The following DUSP1 variants were observed in gnomAD, a reference collection of about 807,000 sequenced individuals.
DUSP1 encodes dual specificity protein phosphatase 1.
Under a neutral mutation model 27.4 loss-of-function variants are expected in DUSP1, and 10 were observed. That is an observed-to-expected ratio of 0.37 (90% CI 0.23 to 0.62). The LOEUF (loss-of-function observed/expected upper bound fraction) is 0.62, where lower values mean the gene tolerates loss of function less well. DUSP1 is among the 20% of genes least tolerant of loss of function. DUSP1 has a pLI of 0.68. For synonymous variants in DUSP1, 262 were observed against 223.6 expected (o/e 1.17, Z -1.53); for missense variants, 425 against 508.1 (o/e 0.84, Z 1.57).
chr5:172,769,774 C>T lies in DUSP1; in HGVS notation c.534G>A (p.Leu178=), dbSNP rs1250197376. The change falls in exon 3 of 4, where the codon CTG becomes CTA. Residue 178 remains leucine, a synonymous_variant. Coordinates refer to ENST00000239223, the MANE Select transcript of DUSP1 (RefSeq NM_004417.4). ...LYDQGGPVEI[L]PFLYLGSAYH... is the part of the protein sequence containing the mutation. ...ACGCACTGCCCAGGTACAGAAAGGG[C>T]AGGATTTCCACCGGGCCACCCTGAA... is the stretch of plus-strand genomic sequence containing the variant. 6.2e-7 allele frequency: 1 copy of T among 1,614,064 alleles called. No individual in the cohort carries two copies. Among genetic ancestry groups the T allele is most frequent in the Non-Finnish European group, 8.5e-7 (1 of 1,180,016 alleles).
At chr5:172,769,825 A>G (rs1229939272) in intron 2 of DUSP1, 31 bp from the exon 3 acceptor site, 8 of 1,602,848 alleles carry the variant, frequency 5.0e-6, no homozygotes, top group Non-Finnish European at 6.8e-6. Flanking sequence ...ACATTCATCA[A>G]GCTTGCTCAA....
intron 1 of DUSP1, 61 bp downstream of exon 1, chr5:172,770,525 A>T: frequency 6.8e-7 from 1 of 1,460,326 alleles, no homozygotes; most frequent in South Asian, 1.5e-5. Flanking sequence ...GCCGAGAGCC[A>T]GGGGTACCGG....
chr5:172,770,764 C>T lies in DUSP1; in HGVS notation c.189G>A (p.Glu63=), dbSNP rs1759878880. 1.3e-6 allele frequency: 2 copies of T among 1,493,494 alleles called. No individual in the cohort carries two copies. Among genetic ancestry groups the T allele is most frequent in the South Asian group, 1.3e-5 (1 of 79,696 alleles). 92.5% of individuals were successfully genotyped at this position (1,493,494 alleles called of 1,614,324 possible). The change falls in exon 1 of 4, where the codon GAG becomes GAA. Residue 63 remains glutamate (E), a synonymous_variant. Transcript: ENST00000239223. ...GGAGCTCGGCGTTGGGCACGATGTG[C>T]TCCAGGCCCATGGCGCCCTTGGCCC... ...RRRAKGAMGL[E]HIVPNAELRG... is the part of the protein sequence containing the mutation.
In DUSP1 at chr5:172,768,572, A is replaced by G; in HGVS notation, c.*190T>C. On this transcript the variant is annotated 3_prime_UTR_variant, in exon 4 of 4. Transcript: ENST00000239223. ...TGTACCCACTATATATTGGTCCCGA[A>G]TGTGCTGAGTTCAGCAAATGTCTTG... The G allele has an allele frequency of 1.5e-6, 1 of 682,818 alleles. No individual in the cohort carries two copies. Among genetic ancestry groups the G allele is most frequent in the Non-Finnish European group, 2.1e-6 (1 of 473,212 alleles). 42.3% of individuals were successfully genotyped at this position (682,818 alleles called of 1,614,324 possible). A position where few individuals can be genotyped will look rare whatever the true frequency, so the allele number is the denominator to read the frequency against.
chr5:172,770,379 C>A (rs764780078), intron 1 of DUSP1, 73 bp from the exon 2 acceptor site: 137 of 1,590,700 alleles, frequency 8.6e-5, no homozygotes, highest in Non-Finnish European at 7.7e-6. Context: ...ACTCCCCCAC[C>A]CACCAAGGGC....
chr5:172,768,719 G>A lies in DUSP1; in HGVS notation c.*43C>T. Reference sequence around the variant, plus strand: ...TTGCATTTCTCCTCTCAAGGAGCATGGAGTCCCAATGGGATGTGAAGAGCC... The same window carrying A: ...TTGCATTTCTCCTCTCAAGGAGCATAGAGTCCCAATGGGATGTGAAGAGCC... On this transcript the variant is annotated 3_prime_UTR_variant, in exon 4 of 4. Coordinates refer to ENST00000239223, the MANE Select transcript of DUSP1 (RefSeq NM_004417.4). The A allele has an allele frequency of 1.4e-6, 2 of 1,478,186 alleles. No homozygotes were observed. The highest frequency in any genetic ancestry group is 4.8e-5 in the East Asian group (2 of 41,560). The allele number at this position is 1,478,186 out of a possible 1,614,324, so 91.6% of individuals were successfully genotyped here.
intron 2 of DUSP1, 133 bp from the exon 3 acceptor site, chr5:172,769,927 A>G: frequency 8.1e-7 from 1 of 1,234,822 alleles, no homozygotes. Flanking sequence ...CTGGAGGATA[A>G]ATAAATAGGG....
At position 172,769,607 on chromosome 5, in the gene DUSP1, C is replaced by G. The variant is rs762910427; in HGVS notation, c.701G>C (p.Ser234Thr). 6.2e-7 allele frequency: 1 copy of G among 1,614,234 alleles called. No individual in the cohort carries two copies. The highest frequency in any genetic ancestry group is 1.1e-5 in the South Asian group (1 of 91,086). ...PVEDNHKADI[S>T]SWFNEAIDFI... ...GTCAATGGCCTCGTTGAACCAGGAGCTGATGTCTGCCTTGTGGTTGTCCTC... is the reference window on the plus strand; with the variant it reads ...GTCAATGGCCTCGTTGAACCAGGAGGTGATGTCTGCCTTGTGGTTGTCCTC... Residue 234 changes from serine (S) to threonine (T), a missense_variant, in exon 3 of 4, where the codon AGC (serine) becomes ACC (threonine). Around this residue, in one of 3 missense-constraint regions of DUSP1, gnomAD observed 59 missense variants for 108.4 expected, o/e 0.54. Transcript: ENST00000239223.
At position 172,768,864 on chromosome 5, in the gene DUSP1, G is replaced by T. The variant is rs369562158; in HGVS notation, c.1002C>A (p.Ser334=). 3.8e-5 allele frequency: 61 copies of T among 1,608,626 alleles called. No homozygotes were observed. Among genetic ancestry groups the T allele is most frequent in the Admixed American group, 1.0e-4 (6 of 59,672 alleles). Residue 334 remains serine, a synonymous_variant, in exon 4 of 4, where the codon TCC becomes TCA. Coordinates refer to ENST00000239223, the MANE Select transcript of DUSP1 (RefSeq NM_004417.4). ...PAMAVLDRGT[S]TTTVFNFPVS... The stretch of plus-strand genomic sequence containing the variant: ...CGGGGAAGTTGAACACGGTGGTGGT[G>T]GAGGTGCCTCGGTCGAGCACAGCCA...
In DUSP1 at chr5:172,771,110, C is replaced by T; in HGVS notation, c.-158G>A. The T allele has an allele frequency of 9.6e-7, 1 of 1,037,770 alleles. No individual in the cohort carries two copies. Among genetic ancestry groups the T allele is most frequent in the Non-Finnish European group, 1.3e-6 (1 of 791,684 alleles). 64.3% of individuals were successfully genotyped at this position (1,037,770 alleles called of 1,614,324 possible). A position where few individuals can be genotyped will look rare whatever the true frequency, so the allele number is the denominator to read the frequency against. The stretch of plus-strand genomic sequence containing the variant: ...TTTGGACTGAGAGAGGAGCGTCACG[C>T]GGGGCTCCGGGCTCCTCGGCTTCTT... On this transcript the variant is annotated 5_prime_UTR_variant, in exon 1 of 4. Coordinates refer to ENST00000239223, the MANE Select transcript of DUSP1 (RefSeq NM_004417.4).
Position 172,768,804 on chromosome 5 carries a change from C to A in DUSP1, c.1062G>T (p.Leu354=). ...SIPVHSTNSA[L]SYLQSPITTS... ...TCGTAATGGGGCTCTGAAGGTAGCT[C>A]AGCGCACTGTTCGTGGAGTGGACAG... The change falls in exon 4 of 4, where the codon CTG becomes CTT. Residue 354 remains leucine, a synonymous_variant. Coordinates refer to ENST00000239223, the MANE Select transcript of DUSP1 (RefSeq NM_004417.4). 6.4e-7 allele frequency: 1 copy of A among 1,551,850 alleles called. No homozygotes were observed. Among genetic ancestry groups the A allele is most frequent in the Admixed American group, 1.9e-5 (1 of 52,774 alleles).
intron 2 of DUSP1, 97 bp downstream of exon 2, chr5:172,770,064 A>T: frequency 6.7e-7 from 1 of 1,486,284 alleles, no homozygotes; most frequent in Non-Finnish European, 9.0e-7. Context: ...TCCGTTATAA[A>T]TAATGCTGCA....
At position 172,770,770 on chromosome 5, in the gene DUSP1, G is replaced by A. The variant is rs1045285254; in HGVS notation, c.183C>T (p.Gly61=). Residue 61 remains glycine, a synonymous_variant, in exon 1 of 4, where the codon GGC becomes GGT. Coordinates refer to ENST00000239223, the MANE Select transcript of DUSP1 (RefSeq NM_004417.4). The part of the protein sequence containing the change: ...IVRRRAKGAM[G]LEHIVPNAEL... ...CGGCGTTGGGCACGATGTGCTCCAG[G>A]CCCATGGCGCCCTTGGCCCGGCGCC... is the stretch of plus-strand genomic sequence containing the variant. 4.0e-6 allele frequency: 6 copies of A among 1,496,260 alleles called. No homozygotes were observed. The highest frequency in any genetic ancestry group is 3.7e-4 in the Middle Eastern group (2 of 5,448). The allele number at this position is 1,496,260 out of a possible 1,614,324, so 92.7% of individuals were successfully genotyped here.
rs1759826998 is a variant in DUSP1 at position 172,768,574 on chromosome 5, G to T, written c.*188C>A. ...TACCCACTATATATTGGTCCCGAATGTGCTGAGTTCAGCAAATGTCTTGAC... is the reference window on the plus strand; with the variant it reads ...TACCCACTATATATTGGTCCCGAATTTGCTGAGTTCAGCAAATGTCTTGAC... On this transcript the variant is annotated 3_prime_UTR_variant, in exon 4 of 4. Coordinates refer to ENST00000239223, the MANE Select transcript of DUSP1 (RefSeq NM_004417.4). The T allele has an allele frequency of 1.4e-6, 1 of 695,190 alleles. No homozygotes were observed. The highest frequency in any genetic ancestry group is 2.1e-6 in the Non-Finnish European group (1 of 482,818). The allele number at this position is 695,190 out of a possible 1,614,324, so 43.1% of individuals were successfully genotyped here.
At chr5:172,769,852 C>A in intron 2 of DUSP1, 58 bp from the exon 3 acceptor site, 1 of 1,551,574 alleles carries the variant, frequency 6.4e-7, no homozygotes, top group Non-Finnish European at 8.7e-7. Context: ...GGCCAGTGCC[C>A]ATACCCACAA....
chr5:172,771,079 G>A lies in DUSP1; in HGVS notation c.-127C>T, dbSNP rs1759889072. 3 of 1,253,178 alleles carry A rather than the reference G, an allele frequency of 2.4e-6. No individual in the cohort carries two copies. The highest frequency in any genetic ancestry group is 3.1e-5 in the African/African-American group (2 of 64,084). 77.6% of individuals were successfully genotyped at this position (1,253,178 alleles called of 1,614,324 possible). A position where few individuals can be genotyped will look rare whatever the true frequency, so the allele number is the denominator to read the frequency against. ...CGGGTCTCTCTGCGCCGAACCAAAA[G>A]CCGCTTTTGGACTGAGAGAGGAGCG... On this transcript the variant is annotated 5_prime_UTR_variant, in exon 1 of 4. Coordinates refer to ENST00000239223, the MANE Select transcript of DUSP1 (RefSeq NM_004417.4).
At chr5:172,770,111 A>G (rs1315313005) in intron 2 of DUSP1, 50 bp downstream of exon 2, 2 of 1,529,386 alleles carry the variant, frequency 1.3e-6, no homozygotes, top group Non-Finnish European at 1.8e-6. Context: ...CTACTCTTCC[A>G]TGCCTTTGCC....
Position 172,770,999 on chromosome 5 carries a change from G to A in DUSP1, c.-47C>T. The A allele has an allele frequency of 8.9e-6, 12 of 1,352,554 alleles. No homozygotes were observed. The highest frequency in any genetic ancestry group is 1.1e-5 in the Non-Finnish European group (12 of 1,049,832). The allele number at this position is 1,352,554 out of a possible 1,614,324, so 83.8% of individuals were successfully genotyped here. A position where few individuals can be genotyped will look rare whatever the true frequency, so the allele number is the denominator to read the frequency against. On this transcript the variant is annotated 5_prime_UTR_variant, in exon 1 of 4. Transcript: ENST00000239223. ...CGTGATCGGCCCTGCGGTGCTCTTTGTCTGTTCTCGGGGCCAAGGGCAGGG... is the reference window on the plus strand; with the variant it reads ...CGTGATCGGCCCTGCGGTGCTCTTTATCTGTTCTCGGGGCCAAGGGCAGGG...
chr5:172,770,332 C>T, intron 1 of DUSP1, 26 bp from the exon 2 acceptor site: 1 of 1,602,196 alleles, frequency 6.2e-7, no homozygotes. Context: ...CATTTTTTTT[C>T]CCCATTAGTG....
Sources: gnomAD v4.1 joint callset for allele counts on GRCh38, gnomAD v4.1.1 for gene constraint, gnomAD v4.1.1 regional missense constraint, MANE v1.5 for transcripts, NCBI Gene and HGNC (gene_info 2026-07-23, HGNC 2026-07-21) for gene names.